Variants in SGCD observed in about 807,000 individuals in gnomAD.
SGCD encodes the protein sarcoglycan delta.
Under a neutral mutation model 36.6 loss-of-function variants are expected in SGCD, and 18 were observed. The ratio of observed to expected loss-of-function variants is 0.49; its 90% CI spans 0.34 to 0.73. The LOEUF is 0.73. Among genes scored for constraint, SGCD ranks in the 30% least tolerant of loss-of-function variants. The pLI is 0.01. For missense variants in SGCD, 387 were observed against 346.7 expected (o/e 1.12, Z -0.92); for synonymous variants, 133 against 130.6 (o/e 1.02, Z -0.12).
chr5:156,225,545 A>G (rs948136923), intron 3 of SGCD, among the ~76,000 whole-genome samples: 1 of 152,130 alleles, frequency 6.6e-6, no homozygotes, highest in Non-Finnish European at 1.5e-5. Context: ...GCCTCCGACA[A>G]TTTTGTCTTT....
At chr5:156,013,107 CCT>C (rs1255244672) in intron 1 of SGCD, among the ~76,000 whole-genome samples, 2 of 150,796 alleles carry the variant, frequency 1.3e-5, no homozygotes, top group Admixed American at 6.6e-5. Flanking sequence ...CTCACTGCAA[CCT>C]CTGTCTCCCG....
At chr5:156,498,080 A>T (rs1465699199) in intron 3 of SGCD, among the ~76,000 whole-genome samples, 1 of 152,134 alleles carries the variant, frequency 6.6e-6, no homozygotes, top group Non-Finnish European at 1.5e-5. Flanking sequence ...TTCCTTTAGT[A>T]AACCCACACA....
Position 156,679,718 on chromosome 5 carries a change from C to T in SGCD, c.575+32182C>T, listed in dbSNP as rs561752969. Among the ~76,000 whole-genome samples, 23 of 152,312 alleles carry T rather than the reference C, an allele frequency of 1.5e-4. 1 individual carries two copies. Among genetic ancestry groups the T allele is most frequent in the African/African-American group, 5.3e-4 (22 of 41,570 alleles). On this transcript the variant is annotated intron_variant, in intron 7 of 8. Coordinates refer to ENST00000337851, the MANE Select transcript of SGCD (RefSeq NM_000337.6). ...AAATATTCTGTTCCAAAAAATCCTG[C>T]GGCTACGTTACTTAGAACTCTATCT...
At chr5:155,972,392 T>C (rs1758023625) in intron 1 of SGCD, among the ~76,000 whole-genome samples, 2 of 152,298 alleles carry the variant, frequency 1.3e-5, no homozygotes, top group Admixed American at 1.3e-4. Flanking sequence ...TTTTGTTGCC[T>C]AATACTATGT....
chr5:156,213,178 T>A (rs920859747), intron 3 of SGCD, among the ~76,000 whole-genome samples: 1 of 151,886 alleles, frequency 6.6e-6, no homozygotes, highest in South Asian at 2.1e-4. Flanking sequence ...AGATCGAGAC[T>A]AGAAAAACAA....
chr5:156,588,988 T>TTG lies in SGCD; in HGVS notation c.295-208_295-207dup, dbSNP rs113243314. The stretch of plus-strand genomic sequence containing the variant: ...TGTGTGTGTTCTGGGGGAATCTATA[T>TTG]TGTGTGTGTGTGTGTGTGTGTGTGT... On this transcript the variant is annotated intron_variant, in intron 4 of 8. Coordinates refer to ENST00000337851, the MANE Select transcript of SGCD (RefSeq NM_000337.6). Among the ~76,000 whole-genome samples, 14,964 of 143,012 alleles carry TTG rather than the reference T, an allele frequency of 0.1. 849 individuals are homozygous for TTG. The highest frequency in any genetic ancestry group is 0.26 in the East Asian group (1,282 of 4,862). 93.8% of individuals were successfully genotyped at this position (143,012 alleles called of 152,430 possible). A position where few individuals can be genotyped will look rare whatever the true frequency, so the allele number is the denominator to read the frequency against.
At chr5:155,913,120 C>T (rs1043715482) in intron 1 of SGCD, among the ~76,000 whole-genome samples, 17 of 152,178 alleles carry the variant, frequency 1.1e-4, no homozygotes, top group South Asian at 4.1e-4. Flanking sequence ...TCTTTGGTAA[C>T]GCAGCTTTGG....
intron 3 of SGCD, among the ~76,000 whole-genome samples, chr5:156,247,952 C>T (rs545601171): frequency 4.6e-5 from 7 of 152,248 alleles, no homozygotes; most frequent in South Asian, 2.1e-4. Flanking sequence ...CTGAAGTAAA[C>T]GTTCTGAAGG....
At chr5:156,379,466 CCTT>C (rs1770862795) in intron 3 of SGCD, among the ~76,000 whole-genome samples, 1 of 152,098 alleles carries the variant, frequency 6.6e-6, no homozygotes, top group East Asian at 1.9e-4. Flanking sequence ...AAAGAAGTGT[CCTT>C]CTGTGTGGCT....
chr5:155,890,950 G>A (rs980760991), intron 1 of SGCD, among the ~76,000 whole-genome samples: 2 of 152,236 alleles, frequency 1.3e-5, no homozygotes, highest in East Asian at 3.9e-4. Context: ...CTGATTATCA[G>A]CCTCATTGTG....
intron 1 of SGCD, among the ~76,000 whole-genome samples, chr5:155,913,838 C>G (rs546932067): frequency 6.6e-6 from 1 of 152,332 alleles, no homozygotes; most frequent in South Asian, 2.1e-4. Flanking sequence ...AGTCTGTGCT[C>G]ATCTTGCAAA....
At chr5:156,582,656 A>G (rs1333857237) in intron 4 of SGCD, among the ~76,000 whole-genome samples, 1 of 152,254 alleles carries the variant, frequency 6.6e-6, no homozygotes, top group Non-Finnish European at 1.5e-5. Context: ...GCAGTTTGCT[A>G]CATTTCAGGA....
intron 3 of SGCD, among the ~76,000 whole-genome samples, chr5:156,418,922 G>A (rs1220052985): frequency 6.6e-6 from 1 of 152,082 alleles, no homozygotes; most frequent in South Asian, 2.1e-4. Flanking sequence ...ATCCAGCGTT[G>A]AATTTTATTC....
intron 3 of SGCD, among the ~76,000 whole-genome samples, chr5:156,169,140 A>G (rs1248224865): frequency 6.6e-6 from 1 of 152,196 alleles, no homozygotes; most frequent in Non-Finnish European, 1.5e-5. Flanking sequence ...AGGCTCCTTG[A>G]TTATCTGCAA....
Position 156,642,375 on chromosome 5 carries a change from G to A in SGCD, c.503-5089G>A, listed in dbSNP as rs144211153. On this transcript the variant is annotated intron_variant, in intron 6 of 8. Transcript: ENST00000337851. ...TTAAAACCTTCACTGTGGCCTCTGA[G>A]GCTCTGCAATCCCTGAGCCAAACTT... Among the ~76,000 whole-genome samples, 131 of 151,914 alleles carry A rather than the reference G, an allele frequency of 8.6e-4. 1 individual carries two copies. Among genetic ancestry groups the A allele is most frequent in the Middle Eastern group, 3.4e-3 (1 of 292 alleles).
chr5:156,423,624 C>T (rs1264387438), intron 3 of SGCD, among the ~76,000 whole-genome samples: 1 of 150,942 alleles, frequency 6.6e-6, no homozygotes, highest in Non-Finnish European at 1.5e-5. Flanking sequence ...AACATATGCC[C>T]AAAGAATGTT....
chr5:156,734,310 CTT>C (rs56775098), intron 7 of SGCD, among the ~76,000 whole-genome samples: 18 of 148,016 alleles, frequency 1.2e-4, no homozygotes, highest in African/African-American at 2.2e-4. Flanking sequence ...CTGCCTTTAA[CTT>C]TTTTTTTTTC....
chr5:156,120,986 T>G (rs1437531994), intron 2 of SGCD, among the ~76,000 whole-genome samples: 1 of 151,962 alleles, frequency 6.6e-6, no homozygotes, highest in African/African-American at 2.4e-5. Flanking sequence ...AAGCAGACAA[T>G]AAATGAATCA....
the SGCD span, among the ~76,000 whole-genome samples, chr5:155,813,058 A>G: frequency 6.6e-6 from 1 of 151,896 alleles, no homozygotes; most frequent in African/African-American, 2.4e-5. Context: ...AAAGGAAGAA[A>G]GGAAGGAAAA....
Sources: allele counts gnomAD v4.1 joint callset (sites outside exome capture counted in the v4.1 genomes callset), GRCh38; gene constraint gnomAD v4.1.1; transcripts MANE v1.5; gene names NCBI Gene and HGNC (gene_info 2026-07-23, HGNC 2026-07-21).